YY1: variants seen among roughly 807,000 people sequenced by gnomAD.
YY1 encodes the protein transcriptional repressor protein YY1.
YY1 carries 2 observed loss-of-function variants against 35.6 expected under a neutral mutation model. The observed-to-expected ratio is 0.06, with a 90% CI of 0.02 to 0.18. The LOEUF (loss-of-function observed/expected upper bound fraction) is 0.18. YY1 is among the 10% of genes least tolerant of loss of function. YY1 has a pLI of 1.00. For synonymous variants in YY1, 268 were observed against 238.9 expected (o/e 1.12, Z -1.12); for missense variants, 322 against 573.4 (o/e 0.56, Z 4.48).
intron 2 of YY1, among the ~76,000 whole-genome samples, chr14:100,268,001 C>T (rs1233720160): frequency 5.9e-5 from 9 of 152,194 alleles, no homozygotes; most frequent in Non-Finnish European, 1.5e-5. Context: ...GCCCGGGACT[C>T]TGAGAGCAGA....
At position 100,277,253 on chromosome 14, in the gene YY1, A is replaced by T. The variant is rs983383073; in HGVS notation, c.1063-165A>T. ...CTCCTTGGGTTTTCGGGGTTGTCCA[A>T]CCTGCCTGCTGATTCTAGACTATAT... On this transcript the variant is annotated intron_variant, in intron 4 of 4. Transcript: ENST00000262238. This position sits in a 1 kb window ranked among gnomAD's most constrained non-coding sequence, Gnocchi z 5.6. 11 of 888,362 alleles carry T rather than the reference A, an allele frequency of 1.2e-5. No individual in the cohort carries two copies. The highest frequency in any genetic ancestry group is 1.0e-4 in the Admixed American group (5 of 48,402). The allele number at this position is 888,362 out of a possible 1,614,324, so 55.0% of individuals were successfully genotyped here. A position where few individuals can be genotyped will look rare whatever the true frequency, so the allele number is the denominator to read the frequency against.
chr14:100,239,316 C>G lies in YY1; in HGVS notation c.72C>G (p.His24Gln). Residue 24 changes from histidine to glutamine, a missense_variant, in exon 1 of 5, where the codon CAC becomes CAG. Transcript: ENST00000262238. The stretch of plus-strand genomic sequence containing the variant: ...TGCCGGCCGAGATCGTGGAGCTGCA[C>G]GAGATCGAGGTGGAGACCATCCCGG... Reference protein sequence around the residue: ...SEMPAEIVELHEIEVETIPVE... With the variant: ...SEMPAEIVELQEIEVETIPVE... The G allele has an allele frequency of 6.2e-7, 1 of 1,604,194 alleles. No homozygotes were observed. Among genetic ancestry groups the G allele is most frequent in the Non-Finnish European group, 8.5e-7 (1 of 1,176,168 alleles).
intron 1 of YY1, among the ~76,000 whole-genome samples, chr14:100,245,975 GATA>G (rs1418641607): frequency 6.6e-6 from 1 of 152,180 alleles, no homozygotes; most frequent in Non-Finnish European, 1.5e-5. Context: ...TAATAGGGAA[GATA>G]ATGATAAAAA....
chr14:100,242,319 C>T lies in YY1; in HGVS notation c.679+2396C>T, dbSNP rs1890759310. ...TCTGAGGGGCTTGACTGATGGAAGT[C>T]AATTTACAATTAAGTGAGCATTTAC... On this transcript the variant is annotated intron_variant, in intron 1 of 4. Transcript: ENST00000262238. Among the ~76,000 whole-genome samples the T allele has an allele frequency of 2.0e-5, 3 of 149,370 alleles. No homozygotes were observed. In the South Asian group the frequency reaches 6.4e-4, roughly 32 times the overall value.
chr14:100,254,913 A>G (rs1484633754), intron 1 of YY1, among the ~76,000 whole-genome samples: 1 of 138,730 alleles, frequency 7.2e-6, no homozygotes, highest in East Asian at 2.1e-4. Context: ...AGCTGGGATT[A>G]CAAGCGCCCG....
rs148926813 is a variant in YY1 at position 100,282,458 on chromosome 14, C to T, written c.*4858C>T. 2.0e-5 allele frequency: 3 copies of T among 152,288 alleles called. No homozygotes were observed. The highest frequency in any genetic ancestry group is 2.9e-5 in the Non-Finnish European group (2 of 68,026). 9.4% of individuals were successfully genotyped at this position (152,288 alleles called of 1,614,324 possible). On this transcript the variant is annotated 3_prime_UTR_variant, in exon 5 of 5. Coordinates refer to ENST00000262238, the MANE Select transcript of YY1 (RefSeq NM_003403.5). ...AACAACCTCTTTTTTCTACATTGTC[C>T]ATACCCGGACATGTGAGGCTCTATT... is the stretch of plus-strand genomic sequence containing the variant.
rs1452296158 is a variant in YY1 at position 100,239,443 on chromosome 14, C to G, written c.199C>G (p.His67Asp). ...GDHGGGGGHG[H>D]AGHHHHHHHH... is the part of the protein sequence containing the mutation. ...CCACGGCGGCGGGGGCGGCCACGGG[C>G]ACGCCGGCCACCACCACCACCACCA... The change falls in exon 1 of 5, where the codon CAC becomes GAC. Residue 67 changes from histidine (H) to aspartate (D), a missense_variant. His to Asp is a moderately conservative substitution (Grantham distance 81, BLOSUM62 -1). This residue lies in a region of YY1 where 137 missense variants were observed against 167.0 expected (regional missense o/e 0.82). Coordinates refer to ENST00000262238, the MANE Select transcript of YY1 (RefSeq NM_003403.5). 2 of 1,590,358 alleles carry G rather than the reference C, an allele frequency of 1.3e-6. No individual in the cohort carries two copies. The highest frequency in any genetic ancestry group is 2.3e-5 in the East Asian group (1 of 43,580).
chr14:100,269,000 G>GT (rs1202341371), intron 2 of YY1, among the ~76,000 whole-genome samples: 5 of 152,182 alleles, frequency 3.3e-5, no homozygotes, highest in Admixed American at 6.5e-5. Flanking sequence ...TCTTTACAAC[G>GT]TTCTTCCCAC....
chr14:100,240,940 C>T (rs192750186), intron 1 of YY1, among the ~76,000 whole-genome samples: 2 of 152,140 alleles, frequency 1.3e-5, no homozygotes, highest in African/African-American at 4.8e-5. Flanking sequence ...ATCTATTTTC[C>T]CCATGAAAAG....
At chr14:100,252,737 G>C (rs577007545) in intron 1 of YY1, among the ~76,000 whole-genome samples, 1 of 152,114 alleles carries the variant, frequency 6.6e-6, no homozygotes, top group Non-Finnish European at 1.5e-5. Flanking sequence ...AGTTATATTG[G>C]TTAAAGAAAC....
intron 1 of YY1, among the ~76,000 whole-genome samples, chr14:100,251,199 G>A (rs951870201): frequency 2.0e-5 from 3 of 152,186 alleles, no homozygotes; most frequent in African/African-American, 7.2e-5. Flanking sequence ...TTATCCAGGT[G>A]GGTACCAAAT....
intron 2 of YY1, 81 bp from the exon 3 acceptor site, chr14:100,274,617 A>G: frequency 7.8e-7 from 1 of 1,276,534 alleles, no homozygotes. Flanking sequence ...TAAGGAAAGC[A>G]TTTTAGGGAC....
At chr14:100,261,746 G>C (rs8013532) in intron 1 of YY1, among the ~76,000 whole-genome samples, 1 of 151,928 alleles carries the variant, frequency 6.6e-6, no homozygotes, top group Admixed American at 6.6e-5. Context: ...GAGGGAGGAG[G>C]CTGGAGAGGT....
At chr14:100,250,979 T>C (rs1164831709) in intron 1 of YY1, among the ~76,000 whole-genome samples, 1 of 151,890 alleles carries the variant, frequency 6.6e-6, no homozygotes, top group Non-Finnish European at 1.5e-5. Flanking sequence ...GATGACATAA[T>C]GAGATTCTGT....
intron 1 of YY1, 129 bp from the exon 2 acceptor site, chr14:100,262,172 AAAG>A: frequency 1.0e-6 from 1 of 971,678 alleles, no homozygotes; most frequent in Non-Finnish European, 1.5e-6. Flanking sequence ...CAAAAAAAAA[AAAG>A]GGAGAGGGGA....
At chr14:100,242,371 G>GTTTT (rs1566767626) in intron 1 of YY1, among the ~76,000 whole-genome samples, 2 of 51,464 alleles carry the variant, frequency 3.9e-5, no homozygotes, top group Non-Finnish European at 7.7e-5. Flanking sequence ...GTTTTGTTTT[G>GTTTT]TTTTTTGTTT....
intron 2 of YY1, among the ~76,000 whole-genome samples, chr14:100,264,476 C>G (rs1226387660): frequency 6.6e-6 from 1 of 152,066 alleles, no homozygotes; most frequent in African/African-American, 2.4e-5. Context: ...CCAGCTGGCC[C>G]TAGAGTTTTG....
At chr14:100,257,941 C>A (rs958736977) in intron 1 of YY1, among the ~76,000 whole-genome samples, 1 of 152,022 alleles carries the variant, frequency 6.6e-6, no homozygotes, top group Non-Finnish European at 1.5e-5. Flanking sequence ...TCGAAACCAG[C>A]CTAGGTAACA....
chr14:100,248,103 C>T (rs1011078897), intron 1 of YY1, among the ~76,000 whole-genome samples: 5 of 138,338 alleles, frequency 3.6e-5, no homozygotes, highest in African/African-American at 1.1e-4. Context: ...CACCACCACG[C>T]CCGGCTAATT....
Sources: gnomAD v4.1 joint callset for allele counts (sites outside exome capture counted in the v4.1 genomes callset) on GRCh38, gnomAD v4.1.1 for gene constraint, gnomAD v4.1.1 regional missense constraint, Gnocchi (gnomAD v3.1) non-coding constraint, MANE v1.5 for transcripts, NCBI Gene and HGNC (gene_info 2026-07-23, HGNC 2026-07-21) for gene names.